Variants in TPCN2 observed in about 807,000 individuals in gnomAD.
TPCN2 encodes the protein two pore segment channel 2.
TPCN2 carries 92 observed loss-of-function variants against 111.4 expected under a neutral mutation model. The ratio of observed to expected loss-of-function variants is 0.83; its 90% CI spans 0.70 to 0.98. The LOEUF (loss-of-function observed/expected upper bound fraction) is 0.98. Ranked by LOEUF, TPCN2 falls within the 50% of genes least tolerant of loss-of-function variation. The pLI is 0.00. For missense variants in TPCN2, 995 were observed against 980.1 expected, an observed-to-expected ratio of 1.02 and a Z score of -0.20; for synonymous variants, 405 against 414.5, an observed-to-expected ratio of 0.98 and a Z score of 0.28.
chr11:69,084,069 G>C, intron 19 of TPCN2, 53 bp downstream of exon 19: 1 of 1,579,266 alleles, frequency 6.3e-7, no homozygotes, highest in Non-Finnish European at 8.7e-7. Context: ...TGGGAGGCTG[G>C]GAGGCTGGCG....
rs375141159 is a variant in TPCN2, at chr11:69,070,442, C to T, written c.842C>T (p.Ala281Val). 3.2e-5 allele frequency: 52 copies of T among 1,611,940 alleles called. No individual in the cohort carries two copies. The highest frequency in any genetic ancestry group is 2.9e-4 in the African/African-American group (22 of 74,840). The change falls in exon 9 of 25, where the codon GCG becomes GTG. Residue 281 changes from alanine to valine, a missense_variant. Transcript: ENST00000294309. Reference sequence around the variant, plus strand: ...TTTTTTCTTTTAGTGATGATTCCTGCGTATTCCAAGAACCGGGCCTATGCC... The same window carrying T: ...TTTTTTCTTTTAGTGATGATTCCTGTGTATTCCAAGAACCGGGCCTATGCC... Reference protein sequence around the residue: ...TANNPDVMIPAYSKNRAYAIF... With the variant: ...TANNPDVMIPVYSKNRAYAIF...
chr11:69,071,982 C>T lies in TPCN2; in HGVS notation c.1020C>T (p.Val340=). 6.2e-7 allele frequency: 1 copy of T among 1,613,990 alleles called. No homozygotes were observed. Among genetic ancestry groups the T allele is most frequent in the Non-Finnish European group, 8.5e-7 (1 of 1,179,974 alleles). Residue 340 remains valine (V), a synonymous_variant, in exon 11 of 25, where the codon GTC becomes GTT. Coordinates refer to ENST00000294309, the MANE Select transcript of TPCN2 (RefSeq NM_139075.4). Reference sequence around the variant, plus strand: ...TGGGAACCCGGGCTGCCTTTGAAGTCCTATCCTCCATGGTGGGGGAGGGAG... The same window carrying T: ...TGGGAACCCGGGCTGCCTTTGAAGTTCTATCCTCCATGGTGGGGGAGGGAG... ...RRLGTRAAFE[V]LSSMVGEGGA... is the part of the protein sequence containing the mutation.
chr11:69,065,749 C>T (rs925934782), intron 7 of TPCN2, among the ~76,000 whole-genome samples: 40 of 152,210 alleles, frequency 2.6e-4, no homozygotes, highest in Non-Finnish European at 3.1e-4. Flanking sequence ...GATTGATTTC[C>T]AAGAACCAGG....
chr11:69,049,633 T>G (rs1861124816), intron 1 of TPCN2, among the ~76,000 whole-genome samples: 1 of 151,936 alleles, frequency 6.6e-6, no homozygotes, highest in South Asian at 2.1e-4. Context: ...TAGGAGTCCT[T>G]TCTTTGTAGG....
intron 13 of TPCN2, among the ~76,000 whole-genome samples, chr11:69,074,698 C>T (rs1009804749): frequency 6.6e-6 from 1 of 152,130 alleles, no homozygotes; most frequent in Admixed American, 6.5e-5. Context: ...TAAATTGTTA[C>T]AAGGAGAAGG....
chr11:69,077,881 C>T (rs1328542852), intron 13 of TPCN2, among the ~76,000 whole-genome samples: 3 of 152,286 alleles, frequency 2.0e-5, no homozygotes, highest in South Asian at 2.1e-4. Context: ...AAATAGCCGC[C>T]GGTGGTCAGT....
chr11:69,079,813 T>C, intron 16 of TPCN2, 21 bp from the exon 17 acceptor site: 1 of 1,612,826 alleles, frequency 6.2e-7, no homozygotes, highest in Non-Finnish European at 8.5e-7. Flanking sequence ...AGCGAAGCCT[T>C]CTTTTCTTTT....
chr11:69,053,252 G>A (rs1167965670), intron 1 of TPCN2, among the ~76,000 whole-genome samples: 4 of 152,218 alleles, frequency 2.6e-5, no homozygotes, highest in Non-Finnish European at 4.4e-5. Context: ...AAAGGCGGGC[G>A]GCCACCCTTC....
intron 17 of TPCN2, among the ~76,000 whole-genome samples, chr11:69,080,415 C>T (rs1855954908): frequency 1.3e-5 from 2 of 152,238 alleles, no homozygotes; most frequent in South Asian, 2.1e-4. Context: ...TCACCACTGC[C>T]CGGGGTTCTG....
At position 69,049,014 on chromosome 11, in the gene TPCN2, C is replaced by G. The variant is rs560758371; in HGVS notation, c.17C>G (p.Ala6Gly). 3 of 1,239,898 alleles carry G rather than the reference C, an allele frequency of 2.4e-6. No individual in the cohort carries two copies. Among genetic ancestry groups the G allele is most frequent in the Admixed American group, 4.2e-5 (1 of 23,706 alleles). The allele number at this position is 1,239,898 out of a possible 1,614,324, so 76.8% of individuals were successfully genotyped here. A position where few individuals can be genotyped will look rare whatever the true frequency, so the allele number is the denominator to read the frequency against. MAEPQ[A>G]ESEPLLGGAR... is the part of the protein sequence containing the mutation. ...GGCTGCTGGATGGCGGAACCCCAGG[C>G]GGAGTCGGAGCCCCTGCTGGGCGGG... Residue 6 changes from alanine (A) to glycine (G), a missense_variant, in exon 1 of 25, where the codon GCG becomes GGG. Ala to Gly is a moderately conservative substitution (Grantham distance 60). Coordinates refer to ENST00000294309, the MANE Select transcript of TPCN2 (RefSeq NM_139075.4).
chr11:69,054,537 G>A (rs1854658632), intron 2 of TPCN2, 184 bp from the exon 3 acceptor site: 1 of 619,784 alleles, frequency 1.6e-6, no homozygotes. Flanking sequence ...TGTGTGTTGG[G>A]CAAACCTCGT....
In TPCN2 at chr11:69,060,860, T is replaced by C. The variant is rs184830938; in HGVS notation, c.547-2024T>C. Among the ~76,000 whole-genome samples the C allele has an allele frequency of 9.7e-3, 1,479 of 152,280 alleles. 21 individuals are homozygous for C. The highest frequency in any genetic ancestry group is 0.034 in the African/African-American group (1,422 of 41,542). On this transcript the variant is annotated intron_variant, in intron 5 of 24. Transcript: ENST00000294309. ...GAGTTTCCAACCAGTGGGCAATGAA[T>C]GGGTTCCGGGTGAGCTGGGCGCACA...
chr11:69,053,541 C>T lies in TPCN2; in HGVS notation c.110-492C>T, dbSNP rs370476960. On this transcript the variant is annotated intron_variant, in intron 1 of 24. Transcript: ENST00000294309. ...TGTGCAGGAGCCAGGTAGGGCCGAG[C>T]GGAAGAGGGGTGACAGCAGCCCCAT... 4.6e-5 allele frequency among the ~76,000 whole-genome samples: 7 copies of T among 152,180 alleles called. No individual in the cohort carries two copies. The South Asian group carries it at 1.0e-3, about 23-fold the overall frequency.
intron 1 of TPCN2, among the ~76,000 whole-genome samples, chr11:69,052,351 A>G (rs1034449456): frequency 2.6e-5 from 4 of 152,082 alleles, no homozygotes; most frequent in Non-Finnish European, 5.9e-5. Flanking sequence ...TTCATGGGAT[A>G]TATCAGCTTT....
At chr11:69,079,658 T>A (rs1590745554) in intron 16 of TPCN2, 176 bp from the exon 17 acceptor site, 1 of 587,654 alleles carries the variant, frequency 1.7e-6, no homozygotes, top group East Asian at 2.9e-5. Flanking sequence ...TCTTTCCAGC[T>A]GAAAGAAGTC....
chr11:69,086,696 G>T (rs1590756761), intron 23 of TPCN2, 92 bp downstream of exon 23: 1 of 1,234,772 alleles, frequency 8.1e-7, no homozygotes, highest in East Asian at 2.3e-5. Context: ...GGCCTGCCTG[G>T]AACTTTGATG....
Position 69,090,069 on chromosome 11 carries a change from G to A in TPCN2, c.*2116G>A, listed in dbSNP as rs1856391146. On this transcript the variant is annotated 3_prime_UTR_variant, in exon 25 of 25. Transcript: ENST00000294309. ...AAGAAGACCTGTTCTTTTGAATGGAGAGTAGCATCAGGAACCAGGATGTGG... is the reference window on the plus strand; with the variant it reads ...AAGAAGACCTGTTCTTTTGAATGGAAAGTAGCATCAGGAACCAGGATGTGG... 1.3e-5 allele frequency: 2 copies of A among 152,186 alleles called. No homozygotes were observed. The highest frequency in any genetic ancestry group is 4.1e-4 in the South Asian group (2 of 4,830). 9.4% of individuals were successfully genotyped at this position (152,186 alleles called of 1,614,324 possible).
rs893112013 is a variant in TPCN2, at chr11:69,090,384, C to T, written c.*2431C>T. 1 of 152,234 alleles carries T rather than the reference C, an allele frequency of 6.6e-6. No homozygotes were observed. Among genetic ancestry groups the T allele is most frequent in the African/African-American group, 2.4e-5 (1 of 41,426 alleles). The allele number at this position is 152,234 out of a possible 1,614,324, so 9.4% of individuals were successfully genotyped here. ...GCCTCCCATCACTGCCACCCACTCC[C>T]CACAGAGATGCCCTGCTCATCCGAC... is the stretch of plus-strand genomic sequence containing the variant. On this transcript the variant is annotated 3_prime_UTR_variant, in exon 25 of 25. Transcript: ENST00000294309.
chr11:69,055,191 A>G lies in TPCN2; in HGVS notation c.268A>G (p.Ile90Val). ...CCTTTCCAGGACTTTGAGCTTCACC[A>G]TCTTCTTGATCCTGTTTTTGGCTTT... Reference protein sequence around the residue: ...NVCQRTLSFTIFLILFLAFIE... With the variant: ...NVCQRTLSFTVFLILFLAFIE... The change falls in exon 4 of 25, where the codon ATC (isoleucine) becomes GTC (valine). Residue 90 changes from isoleucine (I) to valine (V), a missense_variant. Transcript: ENST00000294309. 3 of 1,614,012 alleles carry G rather than the reference A, an allele frequency of 1.9e-6. No individual in the cohort carries two copies. The highest frequency in any genetic ancestry group is 2.5e-6 in the Non-Finnish European group (3 of 1,179,962).
Sources: allele counts gnomAD v4.1 joint callset (sites outside exome capture counted in the v4.1 genomes callset), GRCh38; gene constraint gnomAD v4.1.1; transcripts MANE v1.5; gene names NCBI Gene and HGNC (gene_info 2026-07-23, HGNC 2026-07-21).